DGKD: variants seen among roughly 807,000 people sequenced by gnomAD.
DGKD encodes the protein diacylglycerol kinase delta, also known as DAG kinase delta.
DGKD carries 68 observed loss-of-function variants against 154.4 expected under a neutral mutation model. That is an observed-to-expected ratio of 0.44 (90% CI 0.36 to 0.54). The LOEUF is 0.54. Ranked by LOEUF, DGKD falls within the 20% of genes least tolerant of loss-of-function variation. The probability of loss-of-function intolerance (pLI) is 0.00; values close to 1 mark genes in which losing one functional copy is unlikely to be tolerated. For synonymous variants in DGKD, 693 were observed against 638.0 expected, an observed-to-expected ratio of 1.09 and a Z score of -1.30; for missense variants, 1,343 against 1,593.6, an observed-to-expected ratio of 0.84 and a Z score of 2.68.
intron 1 of DGKD, among the ~76,000 whole-genome samples, chr2:233,377,729 G>C (rs1379586687): frequency 2.6e-5 from 4 of 152,114 alleles, no homozygotes; most frequent in African/African-American, 9.7e-5. Flanking sequence ...TTTGTCTTCA[G>C]GGCCATCCCG....
rs2063196252 is a variant in DGKD at position 233,449,445 on chromosome 2, C to T, written c.1888+69C>T. 4.0e-6 allele frequency: 6 copies of T among 1,518,830 alleles called. No individual in the cohort carries two copies. In the African/African-American group the frequency reaches 4.1e-5, roughly 10 times the overall value. 94.1% of individuals were successfully genotyped at this position (1,518,830 alleles called of 1,614,324 possible). A position where few individuals can be genotyped will look rare whatever the true frequency, so the allele number is the denominator to read the frequency against. On this transcript the variant is annotated intron_variant, in intron 15 of 29. Transcript: ENST00000264057. The surrounding 1 kb of genome is among the most constrained non-coding windows in gnomAD (Gnocchi z 5.3). Reference sequence around the variant, plus strand: ...CTGGGCATGCCCAGCGTCCCCTGAACACGGAGATGACAGAAGGGTGCATGT... The same window carrying T: ...CTGGGCATGCCCAGCGTCCCCTGAATACGGAGATGACAGAAGGGTGCATGT...
At chr2:233,370,959 C>G in intron 1 of DGKD, among the ~76,000 whole-genome samples, 1 of 151,890 alleles carries the variant, frequency 6.6e-6, no homozygotes, top group Non-Finnish European at 1.5e-5. Context: ...GCTGTGTTAT[C>G]CAGGTTGGTC....
In DGKD at chr2:233,438,755, CATCTATCTATCTATCT is replaced by C. The variant is rs3835771; in HGVS notation, c.1085+421_1085+436del. 0.022 allele frequency among the ~76,000 whole-genome samples: 2,932 copies of C among 132,326 alleles called. 32 individuals are homozygous for C. Among genetic ancestry groups the C allele is most frequent in the African/African-American group, 0.033 (1,089 of 32,726 alleles). The allele number at this position is 132,326 out of a possible 152,430, so 86.8% of individuals were successfully genotyped here. On this transcript the variant is annotated intron_variant, in intron 9 of 29. Coordinates refer to ENST00000264057, the MANE Select transcript of DGKD (RefSeq NM_152879.3). The surrounding 1 kb of genome is among the most constrained non-coding windows in gnomAD (Gnocchi z 4.1). ...ATTTTTTATTTATCTGTCTATCTAT[CATCTATCTATCTATCT>C]ATCTATCTATCTATCTATCTATCTA...
Position 233,458,380 on chromosome 2 carries a change from C to T in DGKD, c.2677C>T (p.His893Tyr), listed in dbSNP as rs773293794. The T allele has an allele frequency of 6.2e-7, 1 of 1,609,724 alleles. No individual in the cohort carries two copies. The highest frequency in any genetic ancestry group is 2.2e-5 in the East Asian group (1 of 44,868). Residue 893 changes from histidine to tyrosine, a missense_variant, in exon 22 of 30, where the codon CAT (histidine) becomes TAT (tyrosine). His to Tyr is a moderately conservative substitution (Grantham distance 83). This residue lies in a region of DGKD where 429 missense variants were observed against 496.3 expected (regional missense o/e 0.86). Coordinates refer to ENST00000264057, the MANE Select transcript of DGKD (RefSeq NM_152879.3). This position sits in a 1 kb window ranked among gnomAD's most constrained non-coding sequence, Gnocchi z 6.6. ...CGTCTCTCGAGTCATCAGGCTACAG[C>T]ATCATCGGATCGCCCAGGTAGTGGC... ...MAVSRVIRLQ[H>Y]HRIAQCRTVK...
At chr2:233,461,238 G>A (rs973271840) in intron 24 of DGKD, among the ~76,000 whole-genome samples, 8 of 152,182 alleles carry the variant, frequency 5.3e-5, no homozygotes, top group South Asian at 2.1e-4. Flanking sequence ...CCCCGTGGCC[G>A]CACGCTGGCT....
intron 2 of DGKD, among the ~76,000 whole-genome samples, chr2:233,390,099 A>T (rs1328890649): frequency 6.6e-6 from 1 of 152,248 alleles, no homozygotes; most frequent in Non-Finnish European, 1.5e-5. Flanking sequence ...GTAAATACAG[A>T]AATACCAGCA....
intron 3 of DGKD, among the ~76,000 whole-genome samples, chr2:233,399,290 T>C (rs536079959): frequency 5.0e-4 from 76 of 152,364 alleles, no homozygotes; most frequent in Middle Eastern, 6.8e-3. Context: ...TAGGTGCACA[T>C]AACTCTTTGT....
intron 27 of DGKD, among the ~76,000 whole-genome samples, chr2:233,465,852 A>G (rs910093496): frequency 2.0e-5 from 3 of 151,894 alleles, no homozygotes; most frequent in Admixed American, 6.5e-5. Flanking sequence ...TTTTTTTCTC[A>G]TACTCCTAAT....
intron 19 of DGKD, among the ~76,000 whole-genome samples, chr2:233,455,707 G>A (rs999648575): frequency 6.6e-6 from 1 of 152,212 alleles, no homozygotes; most frequent in Non-Finnish European, 1.5e-5. Context: ...ACCAAGCCAC[G>A]TGGCCCCCTG....
chr2:233,463,959 C>T (rs908003574), intron 26 of DGKD: 5 of 608,488 alleles, frequency 8.2e-6, no homozygotes, highest in Non-Finnish European at 1.1e-5. Context: ...GACTGATGGA[C>T]AGTTTTATTC....
chr2:233,376,101 A>G (rs1291120411), intron 1 of DGKD, among the ~76,000 whole-genome samples: 2 of 152,126 alleles, frequency 1.3e-5, no homozygotes, highest in Non-Finnish European at 2.9e-5. Flanking sequence ...CACAGAGCGC[A>G]TGTGTGTATT....
chr2:233,398,663 C>T (rs1000726915), intron 3 of DGKD, among the ~76,000 whole-genome samples: 11 of 151,294 alleles, frequency 7.3e-5, no homozygotes, highest in South Asian at 2.1e-4. Flanking sequence ...CTCACTGTGT[C>T]GCCCAGGCTG....
chr2:233,438,929 G>C lies in DGKD; in HGVS notation c.1085+550G>C, dbSNP rs969005340. Reference sequence around the variant, plus strand: ...TGTTTGCTGAGAGGCACAGGAGGCCGCTCGGTGTGCAGGTGCTGCAAGGCA... The same window carrying C: ...TGTTTGCTGAGAGGCACAGGAGGCCCCTCGGTGTGCAGGTGCTGCAAGGCA... On this transcript the variant is annotated intron_variant, in intron 9 of 29. Transcript: ENST00000264057. This position sits in a 1 kb window ranked among gnomAD's most constrained non-coding sequence, Gnocchi z 4.1. Among the ~76,000 whole-genome samples the C allele has an allele frequency of 6.6e-6, 1 of 152,240 alleles. No individual in the cohort carries two copies. Among genetic ancestry groups the C allele is most frequent in the Non-Finnish European group, 1.5e-5 (1 of 68,044 alleles).
chr2:233,463,752 T>C, intron 26 of DGKD: 1 of 234,240 alleles, frequency 4.3e-6, no homozygotes, highest in Non-Finnish European at 8.7e-6. Context: ...ATCCCATGCC[T>C]CCCCTCGTCC....
At chr2:233,367,404 T>G (rs1054790773) in intron 1 of DGKD, among the ~76,000 whole-genome samples, 2 of 152,090 alleles carry the variant, frequency 1.3e-5, no homozygotes, top group African/African-American at 2.4e-5. Context: ...GATTTTTTTA[T>G]TTTTAGTAGA....
Position 233,449,239 on chromosome 2 carries a change from G to C in DGKD, c.1751G>C (p.Cys584Ser). 1 of 1,613,830 alleles carries C rather than the reference G, an allele frequency of 6.2e-7. No individual in the cohort carries two copies. The highest frequency in any genetic ancestry group is 1.1e-5 in the South Asian group (1 of 91,088). Residue 584 changes from cysteine (C) to serine (S), a missense_variant, in exon 15 of 30, where the codon TGC becomes TCC. Around this residue, in one of 6 missense-constraint regions of DGKD, gnomAD observed 409 missense variants for 446.0 expected, o/e 0.92. Coordinates refer to ENST00000264057, the MANE Select transcript of DGKD (RefSeq NM_152879.3). The surrounding 1 kb of genome is among the most constrained non-coding windows in gnomAD (Gnocchi z 5.3). ...AEDGDGSGSI[C>S]GSTGDRLVAS... ...GATGGAGATGGGTCGGGCAGCATCT[G>C]CGGTTCCACCGGAGACCGCTTGGTG... is the stretch of plus-strand genomic sequence containing the variant.
intron 1 of DGKD, chr2:233,385,831 A>C: frequency 5.0e-6 from 2 of 398,048 alleles, no homozygotes; most frequent in Non-Finnish European, 1.0e-5. Flanking sequence ...GCAGTTTCTG[A>C]GAAGGCTTCA....
chr2:233,425,142 C>CT (rs200814356), intron 3 of DGKD, among the ~76,000 whole-genome samples: 54 of 147,562 alleles, frequency 3.7e-4, no homozygotes, highest in East Asian at 9.9e-4. Flanking sequence ...AATTTTAAAG[C>CT]TTTTTTTTTT....
chr2:233,441,214 G>T lies in DGKD; in HGVS notation c.1086-673G>T, dbSNP rs909279920. 7.9e-5 allele frequency among the ~76,000 whole-genome samples: 12 copies of T among 152,172 alleles called. No individual in the cohort carries two copies. Among genetic ancestry groups the T allele is most frequent in the African/African-American group, 2.9e-4 (12 of 41,432 alleles). On this transcript the variant is annotated intron_variant, in intron 9 of 29. Coordinates refer to ENST00000264057, the MANE Select transcript of DGKD (RefSeq NM_152879.3). The surrounding 1 kb of genome is among the most constrained non-coding windows in gnomAD (Gnocchi z 5.6). The stretch of plus-strand genomic sequence containing the variant: ...TGAGTGGGGACGCTGCTGGGCAGGG[G>T]CAGGGGGAGCCCAGGAAGGAAGGAA...
Sources: allele counts gnomAD v4.1 joint callset (sites outside exome capture counted in the v4.1 genomes callset), GRCh38; gene constraint gnomAD v4.1.1; regional missense constraint gnomAD v4.1.1; non-coding constraint Gnocchi (gnomAD v3.1); transcripts MANE v1.5; gene names NCBI Gene and HGNC (gene_info 2026-07-23, HGNC 2026-07-21).